MDGA2: variants seen among roughly 807,000 people sequenced by gnomAD.
MDGA2 encodes the protein MAM domain-containing glycosylphosphatidylinositol anchor protein 2.
MDGA2 carries 40 observed loss-of-function variants against 117.8 expected under a neutral mutation model. That is an observed-to-expected ratio of 0.34 (90% confidence interval 0.26 to 0.44). The LOEUF (loss-of-function observed/expected upper bound fraction) is 0.44, where lower values mean the gene tolerates loss of function less well. MDGA2 is among the 20% of genes least tolerant of loss of function. MDGA2 has a pLI of 1.00. For missense variants in MDGA2, 1,123 were observed against 1,250.6 expected, an observed-to-expected ratio of 0.90 and a Z score of 1.54; for synonymous variants, 452 against 439.0, an observed-to-expected ratio of 1.03 and a Z score of -0.37.
At chr14:47,444,518 G>T in intron 1 of MDGA2, 1 of 174,726 alleles carries the variant, frequency 5.7e-6, no homozygotes. Flanking sequence ...AAAGATGGTG[G>T]AAAAAGGACA....
At chr14:47,594,277 T>C (rs745534292) in intron 1 of MDGA2, among the ~76,000 whole-genome samples, 2 of 152,336 alleles carry the variant, frequency 1.3e-5, no homozygotes, top group Admixed American at 6.5e-5. Context: ...GGTGAGGAGA[T>C]GGAGATGAAT....
intron 3 of MDGA2, among the ~76,000 whole-genome samples, chr14:47,191,898 G>A (rs1022685595): frequency 1.4e-4 from 22 of 152,114 alleles, no homozygotes; most frequent in African/African-American, 5.1e-4. Flanking sequence ...GAAAAAACTG[G>A]ATGCTAATCA....
chr14:46,958,965 G>A (rs1885673570), intron 8 of MDGA2, among the ~76,000 whole-genome samples: 2 of 152,026 alleles, frequency 1.3e-5, no homozygotes, highest in South Asian at 4.1e-4. Context: ...CTCTAATATC[G>A]AGGAGTTGTC....
intron 2 of MDGA2, among the ~76,000 whole-genome samples, chr14:47,298,979 C>T (rs912657653): frequency 6.6e-6 from 1 of 152,124 alleles, no homozygotes; most frequent in Admixed American, 6.6e-5. Context: ...AGCCACCGCG[C>T]CCAGCCGCCC....
intron 1 of MDGA2, among the ~76,000 whole-genome samples, chr14:47,366,918 T>C (rs1891243822): frequency 6.6e-6 from 1 of 150,950 alleles, no homozygotes; most frequent in Non-Finnish European, 1.5e-5. Context: ...TTTGGCCTAC[T>C]AGTTTTGCAT....
At chr14:47,326,974 G>C (rs1339490513) in intron 1 of MDGA2, among the ~76,000 whole-genome samples, 1 of 152,118 alleles carries the variant, frequency 6.6e-6, no homozygotes, top group Non-Finnish European at 1.5e-5. Context: ...GCTTACCAAG[G>C]AGAGGATGGA....
In MDGA2 at chr14:47,335,745, T is replaced by TATATATATATATATATATACATAC; in HGVS notation, c.281-34196_281-34195insGTATGTATATATATATATATATAT. Among the ~76,000 whole-genome samples, 13 of 95,584 alleles carry TATATATATATATATATATACATAC rather than the reference T, an allele frequency of 1.4e-4. No individual in the cohort carries two copies. The South Asian group carries it at 3.8e-3, about 28-fold the overall frequency. The allele number at this position is 95,584 out of a possible 152,430, so 62.7% of individuals were successfully genotyped here. The stretch of plus-strand genomic sequence containing the variant: ...TGCACACATATATTTTATATATATA[T>TATATATATATATATATATACATAC]ATACATACATACATACAGGATCACT... On this transcript the variant is annotated intron_variant, in intron 1 of 16. Coordinates refer to ENST00000399232, the MANE Select transcript of MDGA2 (RefSeq NM_001113498.3).
chr14:47,324,771 T>C (rs1186715090), intron 1 of MDGA2, among the ~76,000 whole-genome samples: 2 of 152,118 alleles, frequency 1.3e-5, no homozygotes, highest in East Asian at 1.9e-4. Context: ...TTTCTATTAG[T>C]GATTATCTCA....
intron 7 of MDGA2, among the ~76,000 whole-genome samples, chr14:47,052,488 A>C (rs989459634): frequency 2.5e-4 from 38 of 151,960 alleles, no homozygotes; most frequent in African/African-American, 8.9e-4. Context: ...TTATAAATCC[A>C]ATGTTCTTTC....
At chr14:47,514,045 G>A (rs995489446) in intron 1 of MDGA2, among the ~76,000 whole-genome samples, 5 of 152,150 alleles carry the variant, frequency 3.3e-5, no homozygotes, top group Non-Finnish European at 7.4e-5. Flanking sequence ...AAACTCAGAA[G>A]TTGACAACAA....
intron 5 of MDGA2, among the ~76,000 whole-genome samples, chr14:47,104,822 C>T (rs1159172554): frequency 1.3e-5 from 2 of 152,164 alleles, no homozygotes; most frequent in Non-Finnish European, 2.9e-5. Context: ...TCACCAATTT[C>T]AAATCCGGTA....
chr14:47,551,799 T>C (rs1895586840), intron 1 of MDGA2, among the ~76,000 whole-genome samples: 1 of 152,164 alleles, frequency 6.6e-6, no homozygotes, highest in African/African-American at 2.4e-5. Flanking sequence ...ATTTTTTTTT[T>C]CATGTAATAC....
chr14:47,144,764 T>C (rs1882869816), intron 3 of MDGA2, among the ~76,000 whole-genome samples: 1 of 150,618 alleles, frequency 6.6e-6, no homozygotes, highest in African/African-American at 2.4e-5. Flanking sequence ...TCCTCCTACC[T>C]CAGTCTCCTG....
chr14:46,957,744 T>C lies in MDGA2; in HGVS notation c.1820-101A>G, dbSNP rs559457697. The C allele has an allele frequency of 7.6e-5, 98 of 1,296,874 alleles. No homozygotes were observed. The South Asian group carries it at 1.0e-3, about 14-fold the overall frequency. The allele number at this position is 1,296,874 out of a possible 1,614,324, so 80.3% of individuals were successfully genotyped here. On this transcript the variant is annotated intron_variant, in intron 8 of 16. Transcript: ENST00000399232. ...CCATTTGCAGTAACACATGCAGCAATAGAGGAGGAGTGTAGGAGGTGAATG... is the reference window on the plus strand; with the variant it reads ...CCATTTGCAGTAACACATGCAGCAACAGAGGAGGAGTGTAGGAGGTGAATG...
intron 1 of MDGA2, among the ~76,000 whole-genome samples, chr14:47,665,339 T>A (rs1897924308): frequency 6.6e-6 from 1 of 152,246 alleles, no homozygotes; most frequent in Non-Finnish European, 1.5e-5. Flanking sequence ...GATTCATGCA[T>A]AACCTCTTTG....
chr14:47,596,643 T>C (rs185699778), intron 1 of MDGA2, among the ~76,000 whole-genome samples: 1 of 152,318 alleles, frequency 6.6e-6, no homozygotes, highest in Non-Finnish European at 1.5e-5. Context: ...TGTACTTTTC[T>C]GTTTTCCTTC....
At chr14:47,106,725 A>G (rs1047300187) in intron 5 of MDGA2, among the ~76,000 whole-genome samples, 11 of 151,460 alleles carry the variant, frequency 7.3e-5, no homozygotes, top group African/African-American at 2.4e-4. Context: ...TAACTCTCAC[A>G]GTGGAAGGTA....
rs185350102 is a variant in MDGA2, at chr14:47,554,056, A to C, written c.280+120461T>G. 3.2e-4 allele frequency among the ~76,000 whole-genome samples: 48 copies of C among 152,200 alleles called. 1 individual carries two copies. Among genetic ancestry groups the C allele is most frequent in the Middle Eastern group, 3.4e-3 (1 of 294 alleles). ...ATCCATTTTCTTTCAATGAATGTTCAGTTGCTGAAATCACTCTCCATTATG... is the reference window on the plus strand; with the variant it reads ...ATCCATTTTCTTTCAATGAATGTTCCGTTGCTGAAATCACTCTCCATTATG... On this transcript the variant is annotated intron_variant, in intron 1 of 16. Transcript: ENST00000399232.
chr14:47,533,947 A>G (rs1223320851), intron 1 of MDGA2, among the ~76,000 whole-genome samples: 2 of 152,182 alleles, frequency 1.3e-5, no homozygotes, highest in Non-Finnish European at 2.9e-5. Context: ...ATGCAGCTTA[A>G]AAGGTAAAAT....
Sources: allele counts gnomAD v4.1 joint callset (sites outside exome capture counted in the v4.1 genomes callset), GRCh38; gene constraint gnomAD v4.1.1; transcripts MANE v1.5; gene names NCBI Gene and HGNC (gene_info 2026-07-23, HGNC 2026-07-21).